TUBGCP6: variants seen among roughly 807,000 people sequenced by gnomAD.
TUBGCP6 encodes gamma-tubulin complex component 6.
Under a neutral mutation model 175.8 loss-of-function variants are expected in TUBGCP6, and 161 were observed. The observed-to-expected ratio is 0.92, with a 90% CI of 0.81 to 1.04. The LOEUF is 1.04. Among genes scored for constraint, TUBGCP6 ranks in the 50% least tolerant of loss-of-function variants. TUBGCP6 has a pLI of 0.00. For synonymous variants in TUBGCP6, 1,173 were observed against 1,030.5 expected, an observed-to-expected ratio of 1.14 and a Z score of -2.65; for missense variants, 2,572 against 2,433.0, an observed-to-expected ratio of 1.06 and a Z score of -1.20.
At chr22:50,234,487 GCAGCAGCATCCACACCCCTGTCCA>G (rs1236932056) in intron 2 of TUBGCP6, among the ~76,000 whole-genome samples, 2 of 139,024 alleles carry the variant, frequency 1.4e-5, no homozygotes, top group African/African-American at 2.8e-5. Flanking sequence ...CCCGTCCACA[GCAGCAGCATCCACACCCCTGTCCA>G]CAGCAGCATC....
At position 50,217,748 on chromosome 22, in the gene TUBGCP6, G is replaced by C. The variant is rs956764514; in HGVS notation, c.5448C>G (p.Tyr1816Ter). 1.9e-6 allele frequency: 3 copies of C among 1,613,864 alleles called. No individual in the cohort carries two copies. The highest frequency in any genetic ancestry group is 2.5e-6 in the Non-Finnish European group (3 of 1,179,958). The change falls in exon 25 of 25, where the codon TAC (tyrosine) becomes TAG (stop). Residue 1816 changes from tyrosine (Y) to a stop codon, truncating the protein, a stop_gained. Transcript: ENST00000248846. LOFTEE classifies it high-confidence loss of function. ...CCGCAGAGCAGCCTCAGGCGTCCTG[G>C]TAGTAGTTGTTGAAGTTGATGCGCA... Reference protein sequence around the residue: ...FLLRINFNNYYQDA With the variant: ...FLLRINFNNY
chr22:50,221,969 C>T (rs1211540741), intron 15 of TUBGCP6, 59 bp downstream of exon 15: 78 of 1,604,214 alleles, frequency 4.9e-5, no homozygotes, highest in Non-Finnish European at 5.4e-5. Context: ...TGACCAACAC[C>T]AGGTGCCGAG....
chr22:50,221,738 A>G lies in TUBGCP6; in HGVS notation c.2621T>C (p.Val874Ala), dbSNP rs1167778575. ...CTGCAGCCCCCTGCCACCAGCCCCC[A>G]CTGCTAGAGGCTTAAGGGGCTGTGG... ...LTPQPLKPLA[V>A]GAGGRGLQQA... is the part of the protein sequence containing the mutation. The change falls in exon 16 of 25, where the codon GTG (valine) becomes GCG (alanine). Residue 874 changes from valine to alanine, a missense_variant. Transcript: ENST00000248846. The G allele has an allele frequency of 3.3e-6, 5 of 1,514,918 alleles. No homozygotes were observed. The East Asian group carries it at 6.8e-5, about 21-fold the overall frequency. The allele number at this position is 1,514,918 out of a possible 1,614,324, so 93.8% of individuals were successfully genotyped here.
At chr22:50,219,496 G>GCCCAGGGCTCCGCCCCC (rs1569109693) in intron 18 of TUBGCP6, 40 bp from the exon 19 acceptor site, 1 of 1,595,752 alleles carries the variant, frequency 6.3e-7, no homozygotes, top group East Asian at 2.3e-5. Flanking sequence ...GAACCGGCCA[G>GCCCAGGGCTCCGCCCCC]CCCAGGGCTC....
At chr22:50,237,139 C>T (rs909810925) in intron 2 of TUBGCP6, among the ~76,000 whole-genome samples, 1 of 152,242 alleles carries the variant, frequency 6.6e-6, no homozygotes, top group Admixed American at 6.5e-5. Flanking sequence ...TCCGCCTTAA[C>T]CCAGCCCTTG....
rs2064514558 is a variant in TUBGCP6 at position 50,221,087 on chromosome 22, C to G, written c.3272G>C (p.Gly1091Ala). The G allele has an allele frequency of 1.9e-6, 3 of 1,613,344 alleles. No individual in the cohort carries two copies. The Middle Eastern group carries it at 5.0e-4, about 266-fold the overall frequency. The change falls in exon 16 of 25, where the codon GGG becomes GCG. Residue 1091 changes from glycine (G) to alanine (A), a missense_variant. Gly to Ala is a moderately conservative substitution (Grantham distance 60). Transcript: ENST00000248846. ...GHVSNASISL[G>A]ESVSDVAPTR... ...GGGAGCCACATCTGACACAGACTCC[C>G]CTAAGCTGATGCTGGCATTGGATAC...
chr22:50,244,293 T>G lies in TUBGCP6; in HGVS notation c.167A>C (p.Gln56Pro). 6.2e-7 allele frequency: 1 copy of G among 1,613,700 alleles called. No individual in the cohort carries two copies. Among genetic ancestry groups the G allele is most frequent in the Non-Finnish European group, 8.5e-7 (1 of 1,180,046 alleles). ...FTNLFQDETQ[Q>P]LQPDMSKLPA... ...TAGTTTTGACATGTCAGGCTGCAGC[T>G]GTTGAGTCTCATCTTGAAAAAGATT... Residue 56 changes from glutamine (Q) to proline (P), a missense_variant, in exon 1 of 25, where the codon CAG (glutamine) becomes CCG (proline). Gln to Pro is a moderately conservative substitution (Grantham distance 76, BLOSUM62 -1). Transcript: ENST00000248846.
intron 1 of TUBGCP6, among the ~76,000 whole-genome samples, chr22:50,242,231 G>A (rs985335702): frequency 6.6e-6 from 1 of 152,024 alleles, no homozygotes; most frequent in African/African-American, 2.4e-5. Flanking sequence ...GGCAGAGCTT[G>A]CAGTGAGCCA....
In TUBGCP6 at chr22:50,229,526, G is replaced by C. The variant is rs777776345; in HGVS notation, c.1168C>G (p.Pro390Ala). The change falls in exon 4 of 25, where the codon CCC becomes GCC. Residue 390 changes from proline to alanine, a missense_variant. Physicochemically the swap from Pro to Ala is conservative, Grantham distance 27. Transcript: ENST00000248846. ...KRGVHVSGAS[P>A]ESISSLLSEV... The stretch of plus-strand genomic sequence containing the variant: ...GAGAGCAGGCTGCTGATGCTCTCGG[G>C]AGACGCTCCTGACACGTGGACGCCC... 1.2e-6 allele frequency: 2 copies of C among 1,606,636 alleles called. No individual in the cohort carries two copies. Among genetic ancestry groups the C allele is most frequent in the South Asian group, 1.1e-5 (1 of 89,732 alleles).
At chr22:50,233,159 T>G (rs998214456) in intron 3 of TUBGCP6, among the ~76,000 whole-genome samples, 157 bp downstream of exon 3, 2 of 152,246 alleles carry the variant, frequency 1.3e-5, no homozygotes. Context: ...AATGGGATGA[T>G]GCTGGCTGTC....
intron 2 of TUBGCP6, among the ~76,000 whole-genome samples, chr22:50,237,381 A>G (rs972613232): frequency 6.6e-6 from 1 of 152,246 alleles, no homozygotes; most frequent in East Asian, 1.9e-4. Flanking sequence ...TTTAAAATGA[A>G]ACAAGACCAA....
At chr22:50,224,635 A>G in intron 10 of TUBGCP6, 43 bp from the exon 11 acceptor site, 2 of 1,601,188 alleles carry the variant, frequency 1.2e-6, no homozygotes, top group Non-Finnish European at 8.5e-7. Flanking sequence ...GGCCGGGCGC[A>G]GTGGCTCACG....
In TUBGCP6 at chr22:50,221,499, T is replaced by A; in HGVS notation, c.2860A>T (p.Ser954Cys). ...GCCACAGCTGGCCTCAGGACAGTAC[T>A]AAAGTCGTACTCCTGTGGCCTGGAG... ...QPSRPQEYDF[S>C]TVLRPAVATS... is the part of the protein sequence containing the mutation. The change falls in exon 16 of 25, where the codon AGT becomes TGT. Residue 954 changes from serine (S) to cysteine (C), a missense_variant. Coordinates refer to ENST00000248846, the MANE Select transcript of TUBGCP6 (RefSeq NM_020461.4). The A allele has an allele frequency of 6.3e-7, 1 of 1,587,514 alleles. No individual in the cohort carries two copies.
rs1176998815 is a variant in TUBGCP6, at chr22:50,219,960, T to A, written c.4164A>T (p.Ser1388=). The A allele has an allele frequency of 1.9e-6, 3 of 1,613,966 alleles. No individual in the cohort carries two copies. Among genetic ancestry groups the A allele is most frequent in the Non-Finnish European group, 2.5e-6 (3 of 1,179,932 alleles). The change falls in exon 17 of 25, where the codon TCA becomes TCT. Residue 1388 remains serine (S), a synonymous_variant. Coordinates refer to ENST00000248846, the MANE Select transcript of TUBGCP6 (RefSeq NM_020461.4). ...CCCCAGGCTGCATCCACCTAACCTGTGAGTTGAGAGGCCAATTTGGAGAGA... is the reference window on the plus strand; with the variant it reads ...CCCCAGGCTGCATCCACCTAACCTGAGAGTTGAGAGGCCAATTTGGAGAGA... The part of the protein sequence containing the change: ...EDLSPNWPLN[S]QEDTAAQSSP...
In TUBGCP6 at chr22:50,244,178, CT is replaced by C; in HGVS notation, c.281del (p.Glu94GlyfsTer60). The C allele has an allele frequency of 6.2e-7, 1 of 1,613,370 alleles. No homozygotes were observed. Among genetic ancestry groups the C allele is most frequent in the Non-Finnish European group, 8.5e-7 (1 of 1,180,050 alleles). Reference sequence around the variant, plus strand: ...GACAGCAAGGGGCTGCTTCCAGCTCCTCCACAAGCTCCTCCAAACGGTCGGC... The same window carrying C: ...GACAGCAAGGGGCTGCTTCCAGCTCCCCACAAGCTCCTCCAAACGGTCGGC... The part of the protein sequence containing the change: ...PKADRLEELV[E>X]ELEAAPCCPL... On this transcript the variant is annotated frameshift_variant, in exon 1 of 25. Transcript: ENST00000248846. LOFTEE classifies it high-confidence loss of function.
chr22:50,218,680 C>G, intron 21 of TUBGCP6, 23 bp downstream of exon 21: 1 of 1,613,420 alleles, frequency 6.2e-7, no homozygotes, highest in Non-Finnish European at 8.5e-7. Flanking sequence ...GTCCCATCCC[C>G]CGCGGCCAGG....
At chr22:50,224,469 G>C (rs1475439285) in intron 11 of TUBGCP6, 42 bp downstream of exon 11, 3 of 1,614,146 alleles carry the variant, frequency 1.9e-6, no homozygotes, top group Non-Finnish European at 2.5e-6. Flanking sequence ...GCCCCAGCAA[G>C]GCCCCCCGGA....
intron 14 of TUBGCP6, 112 bp from the exon 15 acceptor site, chr22:50,222,214 A>G (rs2064538477): frequency 1.6e-6 from 2 of 1,281,996 alleles, no homozygotes; most frequent in African/African-American, 2.9e-5. Context: ...TGAACCAGAC[A>G]AGGCTTGTGC....
intron 3 of TUBGCP6, 142 bp from the exon 4 acceptor site, chr22:50,229,719 C>T (rs1303671259): frequency 5.4e-6 from 4 of 742,066 alleles, no homozygotes; most frequent in Non-Finnish European, 8.6e-6. Flanking sequence ...AGAAGGCATA[C>T]CCAGAACTCC....
Sources: allele counts gnomAD v4.1 joint callset (sites outside exome capture counted in the v4.1 genomes callset), GRCh38; gene constraint gnomAD v4.1.1; transcripts MANE v1.5; gene names NCBI Gene and HGNC (gene_info 2026-07-23, HGNC 2026-07-21).